KIF13A: variants seen among roughly 807,000 people sequenced by gnomAD.
The protein encoded by KIF13A is kinesin family member 13A, also known as kinesin-like protein KIF13A.
In KIF13A, 79 loss-of-function variants were observed where a neutral mutation model predicts 212.2. The observed-to-expected ratio is 0.37, with a 90% CI of 0.31 to 0.45. The LOEUF (loss-of-function observed/expected upper bound fraction) is 0.45, where lower values mean the gene tolerates loss of function less well. Ranked by LOEUF, KIF13A falls within the 20% of genes least tolerant of loss-of-function variation. The pLI is 1.00. For missense variants in KIF13A, 1,901 were observed against 2,209.0 expected, an observed-to-expected ratio of 0.86 and a Z score of 2.79; for synonymous variants, 789 against 808.6, an observed-to-expected ratio of 0.98 and a Z score of 0.41.
Position 17,926,122 on chromosome 6 carries a change from C to T in KIF13A, c.147-27942G>A, listed in dbSNP as rs969509513. ...TAAAGTAGTCATCATGTCCACGGTC[C>T]TACTAATTCTGAAAAGAAATGCATT... is the stretch of plus-strand genomic sequence containing the variant. On this transcript the variant is annotated intron_variant, in intron 2 of 38. Transcript: ENST00000259711. This position sits in a 1 kb window ranked among gnomAD's most constrained non-coding sequence, Gnocchi z 4.3. Among the ~76,000 whole-genome samples, 39 of 152,116 alleles carry T rather than the reference C, an allele frequency of 2.6e-4. No individual in the cohort carries two copies. Among genetic ancestry groups the T allele is most frequent in the African/African-American group, 9.2e-4 (38 of 41,406 alleles).
At chr6:17,973,981 T>C in intron 2 of KIF13A, among the ~76,000 whole-genome samples, 1 of 152,236 alleles carries the variant, frequency 6.6e-6, no homozygotes, top group Non-Finnish European at 1.5e-5. Flanking sequence ...ATAAGTTAGG[T>C]AATTCTTTCC....
chr6:17,806,256 A>C lies in KIF13A; in HGVS notation c.2164-641T>G, dbSNP rs557215421. On this transcript the variant is annotated intron_variant, in intron 18 of 38. Coordinates refer to ENST00000259711, the MANE Select transcript of KIF13A (RefSeq NM_022113.6). ...CCATAACCATGATTTTTTAATGGCA[A>C]CACAGCAGTGTCCTTAGCATTTGGA... is the stretch of plus-strand genomic sequence containing the variant. Among the ~76,000 whole-genome samples the C allele has an allele frequency of 4.6e-5, 7 of 152,274 alleles. No individual in the cohort carries two copies. In the South Asian group the frequency reaches 1.5e-3, roughly 32 times the overall value.
chr6:17,789,986 C>T lies in KIF13A; in HGVS notation c.3223-76G>A. On this transcript the variant is annotated intron_variant, in intron 25 of 38. Transcript: ENST00000259711. The surrounding 1 kb of genome is among the most constrained non-coding windows in gnomAD (Gnocchi z 4.8). Reference sequence around the variant, plus strand: ...CATACAGGGAAAATAATTATTTAAGCTTAACACACATTAAAATGGACAGCT... The same window carrying T: ...CATACAGGGAAAATAATTATTTAAGTTTAACACACATTAAAATGGACAGCT... The T allele has an allele frequency of 8.7e-7, 1 of 1,149,200 alleles. No homozygotes were observed. The highest frequency in any genetic ancestry group is 1.3e-6 in the Non-Finnish European group (1 of 773,584). The allele number at this position is 1,149,200 out of a possible 1,614,324, so 71.2% of individuals were successfully genotyped here.
At chr6:17,928,575 A>G (rs928720756) in intron 2 of KIF13A, among the ~76,000 whole-genome samples, 2 of 152,222 alleles carry the variant, frequency 1.3e-5, no homozygotes, top group Non-Finnish European at 1.5e-5. Context: ...ATTCTGCTGT[A>G]TCTATTATGC....
downstream of KIF13A, among the ~76,000 whole-genome samples, chr6:17,763,222 T>G (rs1758666140): frequency 6.6e-6 from 1 of 152,136 alleles, no homozygotes; most frequent in South Asian, 2.1e-4. Flanking sequence ...CAGTGGCTCA[T>G]GCCTATAATC....
chr6:17,968,591 C>A lies in KIF13A; in HGVS notation c.146+18463G>T, dbSNP rs917490315. Among the ~76,000 whole-genome samples the A allele has an allele frequency of 6.6e-6, 1 of 152,176 alleles. No individual in the cohort carries two copies. The highest frequency in any genetic ancestry group is 1.5e-5 in the Non-Finnish European group (1 of 68,046). ...ACCTGCATAGAATCTGCAGCTAATG[C>A]TGCTCCATAGGTTGTGCAGTGAACA... On this transcript the variant is annotated intron_variant, in intron 2 of 38. Transcript: ENST00000259711. This position sits in a 1 kb window ranked among gnomAD's most constrained non-coding sequence, Gnocchi z 4.7.
chr6:17,837,444 G>T lies in KIF13A; in HGVS notation c.942+28C>A. 1.3e-6 allele frequency: 2 copies of T among 1,502,960 alleles called. No individual in the cohort carries two copies. The highest frequency in any genetic ancestry group is 9.1e-7 in the Non-Finnish European group (1 of 1,092,936). 93.1% of individuals were successfully genotyped at this position (1,502,960 alleles called of 1,614,324 possible). A position where few individuals can be genotyped will look rare whatever the true frequency, so the allele number is the denominator to read the frequency against. On this transcript the variant is annotated intron_variant, in intron 10 of 38. Coordinates refer to ENST00000259711, the MANE Select transcript of KIF13A (RefSeq NM_022113.6). This position sits in a 1 kb window ranked among gnomAD's most constrained non-coding sequence, Gnocchi z 5.4. Reference sequence around the variant, plus strand: ...CATCTGGAATAGCCAATTTTTAGTTGGAAAAGAACACTAGAGCAATGGATT... The same window carrying T: ...CATCTGGAATAGCCAATTTTTAGTTTGAAAAGAACACTAGAGCAATGGATT...
At chr6:17,908,166 G>T (rs751199661) in intron 2 of KIF13A, among the ~76,000 whole-genome samples, 2 of 152,212 alleles carry the variant, frequency 1.3e-5, no homozygotes, top group Non-Finnish European at 2.9e-5. Context: ...TGTCTACAAA[G>T]ATTGAACGAC....
In KIF13A at chr6:17,855,884, T is replaced by C. The variant is rs1768092644; in HGVS notation, c.313+146A>G. ...GTGCCACCACGCTGGGCTAATGTTT[T>C]TAGTTTTTATAAAGACGGGTCTTAC... On this transcript the variant is annotated intron_variant, in intron 5 of 38. Transcript: ENST00000259711. This position sits in a 1 kb window ranked among gnomAD's most constrained non-coding sequence, Gnocchi z 4.1. The C allele has an allele frequency of 1.5e-6, 1 of 653,558 alleles. No homozygotes were observed. Among genetic ancestry groups the C allele is most frequent in the African/African-American group, 1.8e-5 (1 of 54,412 alleles). 40.5% of individuals were successfully genotyped at this position (653,558 alleles called of 1,614,324 possible). A position where few individuals can be genotyped will look rare whatever the true frequency, so the allele number is the denominator to read the frequency against.
chr6:17,940,957 C>T (rs1776914609), intron 2 of KIF13A, among the ~76,000 whole-genome samples: 1 of 151,686 alleles, frequency 6.6e-6, no homozygotes, highest in African/African-American at 2.4e-5. Flanking sequence ...TCCCAAGTAG[C>T]TGGGATTACA....
chr6:17,871,595 T>C lies in KIF13A; in HGVS notation c.220+1782A>G, dbSNP rs1770017755. ...AGACTTTCTGGCTTCCTGAGTTATATGAGAGGAACCAACAACAGACACTGG... is the reference window on the plus strand; with the variant it reads ...AGACTTTCTGGCTTCCTGAGTTATACGAGAGGAACCAACAACAGACACTGG... On this transcript the variant is annotated intron_variant, in intron 4 of 38. Coordinates refer to ENST00000259711, the MANE Select transcript of KIF13A (RefSeq NM_022113.6). The surrounding 1 kb of genome is among the most constrained non-coding windows in gnomAD (Gnocchi z 4.4). Among the ~76,000 whole-genome samples the C allele has an allele frequency of 6.6e-6, 1 of 152,084 alleles. No individual in the cohort carries two copies. The highest frequency in any genetic ancestry group is 1.5e-5 in the Non-Finnish European group (1 of 68,016).
chr6:17,800,964 C>T (rs1762425809), intron 20 of KIF13A, among the ~76,000 whole-genome samples: 1 of 151,908 alleles, frequency 6.6e-6, no homozygotes, highest in Non-Finnish European at 1.5e-5. Flanking sequence ...GAACTCCTGA[C>T]CTTGTGATCT....
At chr6:17,909,792 G>A (rs376485699) in intron 2 of KIF13A, among the ~76,000 whole-genome samples, 16 of 152,108 alleles carry the variant, frequency 1.1e-4, no homozygotes, top group African/African-American at 3.1e-4. Context: ...TACTTGGGAG[G>A]CTGAGGCAGG....
Position 17,763,904 on chromosome 6 carries a change from C to T in KIF13A, c.*206G>A, listed in dbSNP as rs1758714500. The T allele has an allele frequency of 7.1e-7, 1 of 1,417,934 alleles. No individual in the cohort carries two copies. Among genetic ancestry groups the T allele is most frequent in the Admixed American group, 2.9e-5 (1 of 34,192 alleles). The allele number at this position is 1,417,934 out of a possible 1,614,324, so 87.8% of individuals were successfully genotyped here. On this transcript the variant is annotated 3_prime_UTR_variant, in exon 39 of 39. Coordinates refer to ENST00000259711, the MANE Select transcript of KIF13A (RefSeq NM_022113.6). Reference sequence around the variant, plus strand: ...ACTTCATTCAACACCAACCCATGTGCCAGGTAAAAAAATCCACTGGTCTTA... The same window carrying T: ...ACTTCATTCAACACCAACCCATGTGTCAGGTAAAAAAATCCACTGGTCTTA...
chr6:17,927,428 T>C (rs774453508), intron 2 of KIF13A, among the ~76,000 whole-genome samples: 2 of 152,348 alleles, frequency 1.3e-5, no homozygotes, highest in South Asian at 2.1e-4. Flanking sequence ...CACTGTATGA[T>C]TCTACTTACA....
intron 25 of KIF13A, among the ~76,000 whole-genome samples, chr6:17,790,631 A>C (rs1761448858): frequency 6.6e-6 from 1 of 152,122 alleles, no homozygotes; most frequent in Non-Finnish European, 1.5e-5. Flanking sequence ...TTAAGCCTTA[A>C]AGGATGAAAT....
chr6:17,803,641 T>C (rs1420595484), intron 20 of KIF13A, among the ~76,000 whole-genome samples: 1 of 152,140 alleles, frequency 6.6e-6, no homozygotes, highest in Non-Finnish European at 1.5e-5. Context: ...TTTGAGTACT[T>C]TGGACTGCAA....
At chr6:17,821,733 CA>C (rs1554172198) in intron 16 of KIF13A, 5 of 1,524,260 alleles carry the variant, frequency 3.3e-6, no homozygotes. Flanking sequence ...CAATCAGCAG[CA>C]CTGCTAAAAA....
At chr6:17,981,426 CTTT>C (rs565958562) in intron 2 of KIF13A, among the ~76,000 whole-genome samples, 13 of 134,286 alleles carry the variant, frequency 9.7e-5, no homozygotes, top group Admixed American at 7.5e-4. Flanking sequence ...TTTCTTTTTT[CTTT>C]TTTTTTTTTT....
Sources: allele counts gnomAD v4.1 joint callset (sites outside exome capture counted in the v4.1 genomes callset), GRCh38; gene constraint gnomAD v4.1.1; non-coding constraint Gnocchi (gnomAD v3.1); transcripts MANE v1.5; gene names NCBI Gene and HGNC (gene_info 2026-07-23, HGNC 2026-07-21).